MYO3A: variants seen among roughly 807,000 people sequenced by gnomAD.
The protein encoded by MYO3A is myosin IIIA.
In MYO3A, 180 loss-of-function variants were observed where a neutral mutation model predicts 192.7. The ratio of observed to expected loss-of-function variants is 0.93; its 90% CI spans 0.83 to 1.06. The LOEUF (loss-of-function observed/expected upper bound fraction) is 1.06. Among genes scored for constraint, MYO3A ranks in the 50% least tolerant of loss-of-function variants. MYO3A has a pLI of 0.00. For missense variants in MYO3A, 1,896 were observed against 1,905.0 expected (o/e 1.00, Z 0.09); for synonymous variants, 628 against 645.3 (o/e 0.97, Z 0.41).
intron 4 of MYO3A, among the ~76,000 whole-genome samples, chr10:25,975,330 T>G (rs1323618847): frequency 6.6e-6 from 1 of 152,192 alleles, no homozygotes; most frequent in Non-Finnish European, 1.5e-5. Flanking sequence ...GTTGCTGTGT[T>G]GAAACCACAA....
intron 4 of MYO3A, among the ~76,000 whole-genome samples, chr10:25,964,302 C>G (rs952324992): frequency 6.6e-6 from 1 of 152,076 alleles, no homozygotes; most frequent in Non-Finnish European, 1.5e-5. Flanking sequence ...AAATTTTACA[C>G]ACTACAAAAG....
At chr10:26,077,240 T>TAGGTATA (rs1310438981) in intron 14 of MYO3A, among the ~76,000 whole-genome samples, 1 of 139,792 alleles carries the variant, frequency 7.2e-6, no homozygotes, top group African/African-American at 2.8e-5. Context: ...AAGGTTTTTT[T>TAGGTATA]TTTTTTTTTT....
chr10:26,154,856 G>A (rs1427549640), intron 25 of MYO3A, 33 bp downstream of exon 25: 3 of 1,564,844 alleles, frequency 1.9e-6, no homozygotes, highest in African/African-American at 2.7e-5. Context: ...ATTGTGCTTA[G>A]GGGTGCTATT....
intron 31 of MYO3A, among the ~76,000 whole-genome samples, chr10:26,189,788 A>G (rs1410432952): frequency 2.6e-5 from 4 of 152,164 alleles, no homozygotes; most frequent in African/African-American, 7.2e-5. Context: ...AATCTGGGCC[A>G]GGTGTGGTGG....
chr10:26,012,233 G>C (rs374362038), intron 6 of MYO3A, among the ~76,000 whole-genome samples: 9 of 152,048 alleles, frequency 5.9e-5, no homozygotes, highest in Non-Finnish European at 8.8e-5. Flanking sequence ...ACATAGTTCT[G>C]GAAGTACAGA....
chr10:25,988,812 A>G (rs968769167), intron 4 of MYO3A, among the ~76,000 whole-genome samples: 2 of 152,028 alleles, frequency 1.3e-5, no homozygotes, highest in Admixed American at 1.3e-4. Flanking sequence ...CCAAATATTT[A>G]CTCTTGTGTT....
intron 10 of MYO3A, among the ~76,000 whole-genome samples, chr10:26,037,317 A>T (rs373330511): frequency 6.6e-6 from 1 of 152,194 alleles, no homozygotes; most frequent in African/African-American, 2.4e-5. Flanking sequence ...TGAATTGAAG[A>T]GTTTGGGTTG....
intron 4 of MYO3A, among the ~76,000 whole-genome samples, chr10:25,959,561 C>T (rs911432258): frequency 1.3e-5 from 2 of 152,126 alleles, no homozygotes; most frequent in South Asian, 2.1e-4. Context: ...CTTCATCTGC[C>T]CAGTCTTGTT....
intron 29 of MYO3A, 86 bp from the exon 30 acceptor site, chr10:26,173,577 C>A: frequency 7.9e-7 from 1 of 1,258,068 alleles, no homozygotes; most frequent in Non-Finnish European, 1.1e-6. Context: ...CTTTCTCCCA[C>A]CGGTATCTAG....
chr10:26,024,591 T>C lies in MYO3A; in HGVS notation c.797+504T>C, dbSNP rs1022616737. Among the ~76,000 whole-genome samples the C allele has an allele frequency of 2.0e-5, 3 of 152,164 alleles. No homozygotes were observed. In the East Asian group the frequency reaches 5.8e-4, roughly 29 times the overall value. On this transcript the variant is annotated intron_variant, in intron 9 of 34. Transcript: ENST00000642920. ...GTCTGTGTACCTAAGTGTGTTTTTG[T>C]AGTGGCCAGTAATGGTCTTTCCTTT...
At position 26,077,233 on chromosome 10, in the gene MYO3A, G is replaced by GTTTTTTTT. The variant is rs34464120; in HGVS notation, c.1359+6847_1359+6854dup. On this transcript the variant is annotated intron_variant, in intron 14 of 34. Transcript: ENST00000642920. ...CTCCTTGGTTAGGTATATTCCTAAGGTTTTTTTTTTTTTTTTTTTTTTGCA... is the reference window on the plus strand; with the variant it reads ...CTCCTTGGTTAGGTATATTCCTAAGGTTTTTTTTTTTTTTTTTTTTTTTTTTTTTTGCA... Among the ~76,000 whole-genome samples the GTTTTTTTT allele has an allele frequency of 1.6e-3, 59 of 36,282 alleles. 4 individuals are homozygous for GTTTTTTTT. Among genetic ancestry groups the GTTTTTTTT allele is most frequent in the African/African-American group, 3.1e-3 (32 of 10,266 alleles). 23.8% of individuals were successfully genotyped at this position (36,282 alleles called of 152,430 possible).
At chr10:25,953,630 GTATCT>G (rs1274367230) in intron 3 of MYO3A, among the ~76,000 whole-genome samples, 3 of 152,090 alleles carry the variant, frequency 2.0e-5, no homozygotes, top group African/African-American at 7.2e-5. Context: ...GCCCCATAGT[GTATCT>G]CTTTCTCTTC....
chr10:26,189,683 C>T (rs1410088813), intron 31 of MYO3A, among the ~76,000 whole-genome samples: 2 of 152,066 alleles, frequency 1.3e-5, no homozygotes, highest in African/African-American at 2.4e-5. Flanking sequence ...AACCTGGAGT[C>T]AGAAGTTTAA....
At chr10:26,004,260 A>G (rs1235924322) in intron 6 of MYO3A, among the ~76,000 whole-genome samples, 1 of 152,020 alleles carries the variant, frequency 6.6e-6, no homozygotes, top group Non-Finnish European at 1.5e-5. Context: ...CTGCATAGGG[A>G]TCAGGGTGGA....
At chr10:26,118,032 A>T (rs1010188809) in intron 17 of MYO3A, among the ~76,000 whole-genome samples, 7 of 152,224 alleles carry the variant, frequency 4.6e-5, no homozygotes, top group Admixed American at 3.9e-4. Context: ...AATAATAACC[A>T]TTCTTACTGG....
At chr10:26,020,158 A>G (rs1401089817) in intron 7 of MYO3A, among the ~76,000 whole-genome samples, 1 of 152,204 alleles carries the variant, frequency 6.6e-6, no homozygotes, top group African/African-American at 2.4e-5. Flanking sequence ...TAAACTCGCC[A>G]TCCACGCCAG....
chr10:26,035,985 G>A (rs1161385756), intron 10 of MYO3A, among the ~76,000 whole-genome samples: 5 of 151,998 alleles, frequency 3.3e-5, no homozygotes, highest in Non-Finnish European at 5.9e-5. Flanking sequence ...CCAGGCTGGA[G>A]TGCAGTGGCG....
intron 4 of MYO3A, among the ~76,000 whole-genome samples, chr10:25,991,612 G>C (rs1840037153): frequency 6.6e-6 from 1 of 152,198 alleles, no homozygotes; most frequent in Admixed American, 6.5e-5. Context: ...GAATGGTAAT[G>C]CCTAGGTTTT....
intron 2 of MYO3A, among the ~76,000 whole-genome samples, chr10:25,940,943 G>C (rs1453795346): frequency 6.6e-6 from 1 of 152,108 alleles, no homozygotes; most frequent in Non-Finnish European, 1.5e-5. Context: ...GAATTGGAGT[G>C]TTCTACCTTT....
Sources: allele counts gnomAD v4.1 joint callset (sites outside exome capture counted in the v4.1 genomes callset), GRCh38; gene constraint gnomAD v4.1.1; transcripts MANE v1.5; gene names NCBI Gene and HGNC (gene_info 2026-07-23, HGNC 2026-07-21).